Variants in C22orf15 observed in about 807,000 individuals in gnomAD.
C22orf15 encodes the protein chromosome 22 open reading frame 15, also known as uncharacterized protein C22orf15.
In C22orf15, 21 loss-of-function variants were observed where a neutral mutation model predicts 20.3. The observed-to-expected ratio is 1.04, with a 90% CI of 0.74 to 1.49. The LOEUF (loss-of-function observed/expected upper bound fraction) is 1.49, where lower values mean the gene tolerates loss of function less well. C22orf15 is among the 40% of genes most tolerant of loss of function. The pLI, the probability that C22orf15 is intolerant of heterozygous loss-of-function variation, is 0.00. For missense variants in C22orf15, 170 were observed against 191.1 expected, an observed-to-expected ratio of 0.89 and a Z score of 0.65; for synonymous variants, 78 against 75.4, an observed-to-expected ratio of 1.03 and a Z score of -0.18.
rs775155066 is a variant in C22orf15, at chr22:23,764,813, G to T, written c.346G>T (p.Gly116Cys). 1.2e-6 allele frequency: 2 copies of T among 1,614,066 alleles called. No individual in the cohort carries two copies. Among genetic ancestry groups the T allele is most frequent in the South Asian group, 2.2e-5 (2 of 91,090 alleles). ...ELAEELRRLS[G>C]LSSVGHNWRK... ...TCCAGAGGAACTGCGCAGGCTGTCA[G>T]GCCTCTCCTCTGTGGGCCACAACTG... Residue 116 changes from glycine (G) to cysteine (C), a missense_variant, in exon 5 of 6, where the codon GGC becomes TGC. By Grantham distance (159) the Gly-to-Cys change is radical. Coordinates refer to ENST00000402217, the MANE Select transcript of C22orf15 (RefSeq NM_182520.3).
rs1462929451 is a variant in C22orf15 at position 23,764,311 on chromosome 22, A to T, written c.164A>T (p.Asp55Val). ...GGCAACCTAGTGAGCCTGGAGGAGGACCTGAAGGAAGGGGCTTCCCGGGCC... is the reference window on the plus strand; with the variant it reads ...GGCAACCTAGTGAGCCTGGAGGAGGTCCTGAAGGAAGGGGCTTCCCGGGCC... ...EDGNLVSLEE[D>V]LKEGASRAQT... Residue 55 changes from aspartate to valine, a missense_variant, in exon 3 of 6, where the codon GAC becomes GTC. Physicochemically the swap from Asp to Val is radical, Grantham distance 152. Coordinates refer to ENST00000402217, the MANE Select transcript of C22orf15 (RefSeq NM_182520.3). 1 of 1,551,516 alleles carries T rather than the reference A, an allele frequency of 6.4e-7. No individual in the cohort carries two copies. Among genetic ancestry groups the T allele is most frequent in the East Asian group, 2.4e-5 (1 of 40,908 alleles).
chr22:23,763,456 G>C, intron 1 of C22orf15, 125 bp downstream of exon 1: 1 of 1,112,788 alleles, frequency 9.0e-7, no homozygotes, highest in Non-Finnish European at 1.2e-6. Flanking sequence ...CACATGGCGG[G>C]GGTCGTCGGG....
In C22orf15 at chr22:23,764,164, C is replaced by T. The variant is rs1202464682; in HGVS notation, c.103C>T (p.Pro35Ser). ...CCACCTGAGGCAGAAAGCAGGGTTG[C>T]CCCCAGATGGTGAGGAGACAGGGAG... is the stretch of plus-strand genomic sequence containing the variant. ...TAHLRQKAGL[P>S]PDATIALLAE... Residue 35 changes from proline (P) to serine (S), a missense_variant, in exon 2 of 6, where the codon CCC becomes TCC. Coordinates refer to ENST00000402217, the MANE Select transcript of C22orf15 (RefSeq NM_182520.3). 2 of 1,551,658 alleles carry T rather than the reference C, an allele frequency of 1.3e-6. No homozygotes were observed. Among genetic ancestry groups the T allele is most frequent in the Non-Finnish European group, 1.7e-6 (2 of 1,146,974 alleles).
rs558631945 is a variant in C22orf15 at position 23,763,365 on chromosome 22, G to A, written c.25+34G>A. The stretch of plus-strand genomic sequence containing the variant: ...GGTCCCCTGTCTTGGTAGGCGGATA[G>A]GGGGATGAGCACACTCAGAGGCGTG... On this transcript the variant is annotated intron_variant, in intron 1 of 5. Transcript: ENST00000402217. The A allele has an allele frequency of 1.4e-5, 22 of 1,543,608 alleles. No homozygotes were observed. In the Middle Eastern group the frequency reaches 5.5e-4, roughly 38 times the overall value.
chr22:23,764,201 G>C, intron 2 of C22orf15, 28 bp downstream of exon 2: 1 of 1,551,674 alleles, frequency 6.4e-7, no homozygotes, highest in Non-Finnish European at 8.7e-7. Flanking sequence ...AGAAGGAGGG[G>C]CTGAGGGGTC....
Position 23,763,054 on chromosome 22 carries a change from G to T in C22orf15, c.-253G>T. On this transcript the variant is annotated 5_prime_UTR_variant, in exon 1 of 6. It adds an upstream start codon to the 5' untranslated region. Coordinates refer to ENST00000402217, the MANE Select transcript of C22orf15 (RefSeq NM_182520.3). The stretch of plus-strand genomic sequence containing the variant: ...AGCTTAGGGGAGCTGCTGTGGCCCA[G>T]GGCTCAGTGGGGAGGAAGAGGAGGC... 1 of 528,476 alleles carries T rather than the reference G, an allele frequency of 1.9e-6. No homozygotes were observed. The highest frequency in any genetic ancestry group is 3.3e-6 in the Non-Finnish European group (1 of 304,930). The allele number at this position is 528,476 out of a possible 1,614,324, so 32.7% of individuals were successfully genotyped here. A position where few individuals can be genotyped will look rare whatever the true frequency, so the allele number is the denominator to read the frequency against.
rs1926425111 is a variant in C22orf15, at chr22:23,764,678, T to C, written c.290T>C (p.Leu97Ser). The stretch of plus-strand genomic sequence containing the variant: ...GCCTCCACCCGCTATGAGTCCCTAT[T>C]GGAGAACCTGGATGACCATTACCCA... The part of the protein sequence containing the change: ...DMASTRYESL[L>S]ENLDDHYPEL... Residue 97 changes from leucine to serine, a missense_variant, in exon 4 of 6, where the codon TTG becomes TCG. By Grantham distance (145) the Leu-to-Ser change is moderately radical. Transcript: ENST00000402217. The C allele has an allele frequency of 6.2e-7, 1 of 1,614,154 alleles. No individual in the cohort carries two copies. Among genetic ancestry groups the C allele is most frequent in the Non-Finnish European group, 8.5e-7 (1 of 1,180,016 alleles).
rs763064526 is a variant in C22orf15 at position 23,763,214 on chromosome 22, C to A, written c.-93C>A. The stretch of plus-strand genomic sequence containing the variant: ...CCACTTCTCCCTCCAGAGCCCGGCC[C>A]TGAAGCAGGTCTCTGCTCCACGCTT... On this transcript the variant is annotated 5_prime_UTR_variant, in exon 1 of 6. In the 5' UTR this introduces an upstream ATG that the reference lacks. Coordinates refer to ENST00000402217, the MANE Select transcript of C22orf15 (RefSeq NM_182520.3). The A allele has an allele frequency of 4.7e-6, 7 of 1,503,966 alleles. No homozygotes were observed. Among genetic ancestry groups the A allele is most frequent in the Non-Finnish European group, 6.3e-6 (7 of 1,108,304 alleles). The allele number at this position is 1,503,966 out of a possible 1,614,324, so 93.2% of individuals were successfully genotyped here. A position where few individuals can be genotyped will look rare whatever the true frequency, so the allele number is the denominator to read the frequency against.
rs374945245 is a variant in C22orf15 at position 23,764,858 on chromosome 22, C to T, written c.391C>T (p.Arg131Trp). Residue 131 changes from arginine to tryptophan, a missense_variant, in exon 5 of 6, where the codon CGG becomes TGG. By Grantham distance (101) the Arg-to-Trp change is moderately radical. Coordinates refer to ENST00000402217, the MANE Select transcript of C22orf15 (RefSeq NM_182520.3). ...GHNWRKRMGTRRGRHEQSPTS... is the reference protein window; with the variant it reads ...GHNWRKRMGTWRGRHEQSPTS... ...CAACTGGAGGAAGCGTATGGGCACT[C>T]GGCGAGGCCGCCATGAGCAAAGCCC... The T allele has an allele frequency of 2.7e-5, 43 of 1,613,516 alleles. No individual in the cohort carries two copies. The African/African-American group carries it at 2.9e-4, about 11-fold the overall frequency.
chr22:23,765,023 G>A, intron 5 of C22orf15, 121 bp downstream of exon 5: 3 of 1,503,880 alleles, frequency 2.0e-6, no homozygotes, highest in Non-Finnish European at 2.6e-6. Flanking sequence ...CACATATGAT[G>A]AGGGGCAGAC....
At chr22:23,765,341 A>G (rs1406661484) in intron 5 of C22orf15, 12 of 1,549,778 alleles carry the variant, frequency 7.7e-6, no homozygotes, top group Non-Finnish European at 1.0e-5. Flanking sequence ...CTCAGACCCA[A>G]GGGGGTTAGC....
rs1263811309 is a variant in C22orf15, at chr22:23,764,753, C to T, written c.325+40C>T. 1.9e-6 allele frequency: 3 copies of T among 1,614,130 alleles called. No homozygotes were observed. In the South Asian group the frequency reaches 3.3e-5, roughly 18 times the overall value. ...ACAGCCCAGGGGGAGGGCACACCTT[C>T]TCCCTAACCCCTACCAACAGGACTT... On this transcript the variant is annotated intron_variant, in intron 4 of 5. Transcript: ENST00000402217.
Position 23,764,665 on chromosome 22 carries a change from TA to T in C22orf15, c.278del (p.Tyr93LeufsTer64), listed in dbSNP as rs1569146796. The T allele has an allele frequency of 6.2e-7, 1 of 1,614,182 alleles. No individual in the cohort carries two copies. Among genetic ancestry groups the T allele is most frequent in the Admixed American group, 1.7e-5 (1 of 60,028 alleles). On this transcript the variant is annotated frameshift_variant, in exon 4 of 6. Coordinates refer to ENST00000402217, the MANE Select transcript of C22orf15 (RefSeq NM_182520.3). LOFTEE classifies it high-confidence loss of function. The part of the protein sequence containing the change: ...IKGEDMASTR[Y>X]ESLLENLDDH... ...GGGAGAGGACATGGCCTCCACCCGC[TA>T]TGAGTCCCTATTGGAGAACCTGGAT...
Position 23,765,346 on chromosome 22 carries a change from G to A in C22orf15, c.436-375G>A. On this transcript the variant is annotated intron_variant, in intron 5 of 5. Coordinates refer to ENST00000402217, the MANE Select transcript of C22orf15 (RefSeq NM_182520.3). Reference sequence around the variant, plus strand: ...CCAAGTTGGACTCAGACCCAAGGGGGTTAGCCATGACCTCTGCCTTGTGTG... The same window carrying A: ...CCAAGTTGGACTCAGACCCAAGGGGATTAGCCATGACCTCTGCCTTGTGTG... 3 of 1,550,430 alleles carry A rather than the reference G, an allele frequency of 1.9e-6. No individual in the cohort carries two copies. The East Asian group carries it at 7.3e-5, about 38-fold the overall frequency.
rs762532720 is a variant in C22orf15, at chr22:23,764,909, T to C, written c.435+7T>C. ...CACTTCAAGGCCCAGAAAGGTGAGC[T>C]CCCTGCCACCCAGGAGTTGCTAGCT... On this transcript the variant is annotated splice_region_variant and intron_variant, in intron 5 of 5. Coordinates refer to ENST00000402217, the MANE Select transcript of C22orf15 (RefSeq NM_182520.3). The C allele has an allele frequency of 6.2e-6, 10 of 1,604,602 alleles. No homozygotes were observed. In the South Asian group the frequency reaches 1.1e-4, roughly 18 times the overall value.
At position 23,764,165 on chromosome 22, in the gene C22orf15, C is replaced by T; in HGVS notation, c.104C>T (p.Pro35Leu). 6.4e-7 allele frequency: 1 copy of T among 1,551,668 alleles called. No homozygotes were observed. The highest frequency in any genetic ancestry group is 8.7e-7 in the Non-Finnish European group (1 of 1,146,988). The change falls in exon 2 of 6, where the codon CCC becomes CTC. Residue 35 changes from proline (P) to leucine (L), a missense_variant. Transcript: ENST00000402217. Reference sequence around the variant, plus strand: ...CACCTGAGGCAGAAAGCAGGGTTGCCCCCAGATGGTGAGGAGACAGGGAGG... The same window carrying T: ...CACCTGAGGCAGAAAGCAGGGTTGCTCCCAGATGGTGAGGAGACAGGGAGG... ...TAHLRQKAGL[P>L]PDATIALLAE...
At position 23,763,347 on chromosome 22, in the gene C22orf15, T is replaced by C; in HGVS notation, c.25+16T>C. On this transcript the variant is annotated intron_variant, in intron 1 of 5. Coordinates refer to ENST00000402217, the MANE Select transcript of C22orf15 (RefSeq NM_182520.3). ...ATGTTTGGGGGTAAGTGGGGTCCCCTGTCTTGGTAGGCGGATAGGGGGATG... is the reference window on the plus strand; with the variant it reads ...ATGTTTGGGGGTAAGTGGGGTCCCCCGTCTTGGTAGGCGGATAGGGGGATG... 2 of 1,546,956 alleles carry C rather than the reference T, an allele frequency of 1.3e-6. No individual in the cohort carries two copies. The highest frequency in any genetic ancestry group is 1.7e-6 in the Non-Finnish European group (2 of 1,145,466).
In C22orf15 at chr22:23,765,787, C is replaced by A; in HGVS notation, c.*55C>A. The stretch of plus-strand genomic sequence containing the variant: ...TCCATCCTGACCCCACCTCATCAGC[C>A]AGGGAGCTCCCTGAAGACAGGCCAT... On this transcript the variant is annotated 3_prime_UTR_variant, in exon 6 of 6. Transcript: ENST00000402217. 1 of 1,545,938 alleles carries A rather than the reference C, an allele frequency of 6.5e-7. No homozygotes were observed. Among genetic ancestry groups the A allele is most frequent in the Non-Finnish European group, 8.7e-7 (1 of 1,143,618 alleles).
chr22:23,763,092 A>C lies in C22orf15; in HGVS notation c.-215A>C, dbSNP rs2145913787. On this transcript the variant is annotated 5_prime_UTR_variant, in exon 1 of 6. Transcript: ENST00000402217. ...AGGAAGAGGAGGCCAGGAGTCTTGGACTAGCTGCAGGGTTTGAGCTAGGCT... is the reference window on the plus strand; with the variant it reads ...AGGAAGAGGAGGCCAGGAGTCTTGGCCTAGCTGCAGGGTTTGAGCTAGGCT... 2 of 595,480 alleles carry C rather than the reference A, an allele frequency of 3.4e-6. No individual in the cohort carries two copies. Among genetic ancestry groups the C allele is most frequent in the Non-Finnish European group, 5.8e-6 (2 of 347,488 alleles). The allele number at this position is 595,480 out of a possible 1,614,324, so 36.9% of individuals were successfully genotyped here.
Sources: gnomAD v4.1 joint callset for allele counts on GRCh38, gnomAD v4.1.1 for gene constraint, MANE v1.5 for transcripts, NCBI Gene and HGNC (gene_info 2026-07-23, HGNC 2026-07-21) for gene names.